GPC6: variants seen among roughly 807,000 people sequenced by gnomAD.
GPC6 encodes glypican-6.
GPC6 carries 14 observed loss-of-function variants against 55.2 expected under a neutral mutation model. That is an observed-to-expected ratio of 0.25 (90% CI 0.17 to 0.40). The LOEUF is 0.40. Ranked by LOEUF, GPC6 falls within the 10% of genes least tolerant of loss-of-function variation. The probability of loss-of-function intolerance (pLI) is 1.00; values close to 1 mark genes in which losing one functional copy is unlikely to be tolerated. For synonymous variants in GPC6, 278 were observed against 259.6 expected (o/e 1.07, Z -0.68); for missense variants, 641 against 708.5 (o/e 0.90, Z 1.08).
chr13:93,519,338 TTC>T (rs529170442), intron 1 of GPC6, among the ~76,000 whole-genome samples: 295 of 152,128 alleles, frequency 1.9e-3, no homozygotes, highest in African/African-American at 6.8e-3. Context: ...ATCTGTGTGT[TTC>T]TGTTACACAC....
intron 2 of GPC6, among the ~76,000 whole-genome samples, chr13:93,740,672 AGTGGCAGTTCAGCTT>A (rs1239773682): frequency 2.3e-4 from 35 of 152,376 alleles, no homozygotes; most frequent in African/African-American, 7.5e-4. Flanking sequence ...GTAGAAAGCA[AGTGGCAGTTCAGCTT>A]GTGGCAGTTC....
At chr13:93,625,450 G>A (rs2139563427) in intron 2 of GPC6, among the ~76,000 whole-genome samples, 1 of 152,302 alleles carries the variant, frequency 6.6e-6, no homozygotes, top group East Asian at 1.9e-4. Flanking sequence ...CTACCGGTGA[G>A]ATCCTACCTC....
chr13:94,098,086 C>T (rs1254164765), intron 4 of GPC6, among the ~76,000 whole-genome samples: 1 of 152,146 alleles, frequency 6.6e-6, no homozygotes, highest in Non-Finnish European at 1.5e-5. Flanking sequence ...ATAAAAACCC[C>T]AGGCATTTGT....
chr13:93,590,010 A>G (rs1254171943), intron 2 of GPC6, among the ~76,000 whole-genome samples: 2 of 152,236 alleles, frequency 1.3e-5, no homozygotes, highest in Non-Finnish European at 2.9e-5. Flanking sequence ...CAGACTGTAC[A>G]TATTAGCCAG....
chr13:93,701,330 G>A (rs555951147), intron 2 of GPC6, among the ~76,000 whole-genome samples: 20 of 152,008 alleles, frequency 1.3e-4, no homozygotes, highest in Non-Finnish European at 2.2e-4. Context: ...GTTTCTCAGT[G>A]CATTTAAAAT....
At chr13:93,248,806 A>C (rs1876691088) in intron 1 of GPC6, among the ~76,000 whole-genome samples, 1 of 152,158 alleles carries the variant, frequency 6.6e-6, no homozygotes, top group Non-Finnish European at 1.5e-5. Context: ...ATTGATTTTC[A>C]CGGCTCATGA....
chr13:94,282,744 C>T (rs970236581), intron 4 of GPC6, among the ~76,000 whole-genome samples: 1 of 152,200 alleles, frequency 6.6e-6, no homozygotes, highest in African/African-American at 2.4e-5. Flanking sequence ...AATCCCTACA[C>T]ATGCCCTCTC....
chr13:93,801,080 G>A (rs373795432), intron 2 of GPC6, among the ~76,000 whole-genome samples: 11 of 152,130 alleles, frequency 7.2e-5, no homozygotes, highest in African/African-American at 1.9e-4. Flanking sequence ...CCAAAATTCT[G>A]AAAAAGTCTA....
intron 1 of GPC6, among the ~76,000 whole-genome samples, chr13:93,256,725 C>A (rs1876966665): frequency 6.6e-6 from 1 of 152,150 alleles, no homozygotes; most frequent in Admixed American, 6.5e-5. Flanking sequence ...GTGCTATCAT[C>A]CAGTCCTTAT....
intron 1 of GPC6, among the ~76,000 whole-genome samples, chr13:93,492,429 G>A (rs989910845): frequency 3.4e-4 from 51 of 149,880 alleles, no homozygotes; most frequent in Admixed American, 4.0e-4. Flanking sequence ...GGGCTGAGAC[G>A]ATGGGGTTTT....
intron 3 of GPC6, among the ~76,000 whole-genome samples, chr13:93,872,036 A>G (rs1889147923): frequency 6.6e-6 from 1 of 152,044 alleles, no homozygotes; most frequent in African/African-American, 2.4e-5. Context: ...GAATTCATGT[A>G]TTCAAATTTA....
intron 6 of GPC6, among the ~76,000 whole-genome samples, chr13:94,376,300 C>G (rs1879853412): frequency 7.1e-6 from 1 of 140,362 alleles, no homozygotes; most frequent in Non-Finnish European, 1.5e-5. Context: ...CTGGAAAACC[C>G]CATTGTCTCA....
At chr13:94,090,763 A>G (rs1202697033) in intron 4 of GPC6, among the ~76,000 whole-genome samples, 1 of 152,162 alleles carries the variant, frequency 6.6e-6, no homozygotes, top group African/African-American at 2.4e-5. Flanking sequence ...GAGGAAATTG[A>G]TCAAGCCCAC....
chr13:93,659,945 C>G (rs910963325), intron 2 of GPC6, among the ~76,000 whole-genome samples: 1 of 151,984 alleles, frequency 6.6e-6, no homozygotes, highest in African/African-American at 2.4e-5. Flanking sequence ...TGTAGATTAA[C>G]ATTGACAATG....
intron 3 of GPC6, among the ~76,000 whole-genome samples, chr13:93,870,844 T>C (rs1174375637): frequency 3.9e-5 from 6 of 151,910 alleles, no homozygotes; most frequent in African/African-American, 1.2e-4. Context: ...GGTCTTGAAC[T>C]CCTGGGCTCA....
intron 2 of GPC6, among the ~76,000 whole-genome samples, chr13:93,765,243 G>GACAACTTTCCAGATAAGCTGTCTGGAAAT: frequency 1.3e-5 from 1 of 78,382 alleles, no homozygotes; most frequent in African/African-American, 3.5e-5. Flanking sequence ...TGTCTGGAAA[G>GACAACTTTCCAGATAAGCTGTCTGGAAAT]ACAACTTTCC....
intron 2 of GPC6, among the ~76,000 whole-genome samples, chr13:93,559,932 A>C (rs1875678860): frequency 6.6e-6 from 1 of 152,128 alleles, no homozygotes; most frequent in Admixed American, 6.6e-5. Flanking sequence ...GTTTTTGAAG[A>C]GGCCAAGACA....
intron 4 of GPC6, among the ~76,000 whole-genome samples, chr13:94,129,399 T>C (rs1014873943): frequency 7.2e-5 from 11 of 152,230 alleles, no homozygotes; most frequent in African/African-American, 2.6e-4. Flanking sequence ...AAGGGACTTA[T>C]GGAAGACCTG....
intron 6 of GPC6, among the ~76,000 whole-genome samples, chr13:94,355,601 A>AT (rs1052680731): frequency 2.0e-5 from 3 of 152,170 alleles, no homozygotes; most frequent in African/African-American, 7.2e-5. Context: ...TATGCTATTA[A>AT]TATCAATCTA....
Sources: allele counts gnomAD v4.1 joint callset (sites outside exome capture counted in the v4.1 genomes callset), GRCh38; gene constraint gnomAD v4.1.1; transcripts MANE v1.5; gene names NCBI Gene and HGNC (gene_info 2026-07-23, HGNC 2026-07-21).